The following SH3RF1 variants were observed in gnomAD, a reference collection of about 807,000 sequenced individuals.
SH3RF1 encodes the protein E3 ubiquitin-protein ligase SH3RF1.
SH3RF1 carries 32 observed loss-of-function variants against 74.0 expected under a neutral mutation model. The ratio of observed to expected loss-of-function variants is 0.43; its 90% CI spans 0.33 to 0.58. SH3RF1 has a LOEUF of 0.58. Among genes scored for constraint, SH3RF1 ranks in the 20% least tolerant of loss-of-function variants. The probability of loss-of-function intolerance (pLI) is 0.05; values close to 1 mark genes in which losing one functional copy is unlikely to be tolerated. For synonymous variants in SH3RF1, 396 were observed against 439.6 expected, an observed-to-expected ratio of 0.90 and a Z score of 1.24; for missense variants, 954 against 1,130.9, an observed-to-expected ratio of 0.84 and a Z score of 2.24.
chr4:169,268,078 T>C (rs1731383328), intron 2 of SH3RF1, among the ~76,000 whole-genome samples: 1 of 151,948 alleles, frequency 6.6e-6, no homozygotes, highest in South Asian at 2.1e-4. Flanking sequence ...TTTATATATA[T>C]TTCTAATAAA....
Position 169,268,831 on chromosome 4 carries a change from G to T in SH3RF1, c.382C>A (p.Pro128Thr). 6.3e-7 allele frequency: 1 copy of T among 1,594,750 alleles called. No homozygotes were observed. Among genetic ancestry groups the T allele is most frequent in the Non-Finnish European group, 8.5e-7 (1 of 1,171,968 alleles). ...GQQPRVQSWS[P>T]PVRGIPQLPC... ...TGTAGGCTACTTACCCTCACTGGGG[G>T]GCTCCAGGATTGCACCCGAGGCTGC... The change falls in exon 2 of 12, where the codon CCC (proline) becomes ACC (threonine). Residue 128 changes from proline to threonine, a missense_variant. Pro to Thr is a conservative substitution (Grantham distance 38). This residue lies in a region of SH3RF1 where 854 missense variants were observed against 962.5 expected (regional missense o/e 0.89). Coordinates refer to ENST00000284637, the MANE Select transcript of SH3RF1 (RefSeq NM_020870.4).
chr4:169,179,319 C>G (rs1435366966), intron 2 of SH3RF1, among the ~76,000 whole-genome samples: 1 of 152,124 alleles, frequency 6.6e-6, no homozygotes, highest in Admixed American at 6.5e-5. Flanking sequence ...CTTAGAGCCA[C>G]CAAAAAGTAA....
chr4:169,117,898 A>G, intron 8 of SH3RF1, 116 bp from the exon 9 acceptor site: 1 of 1,239,720 alleles, frequency 8.1e-7, no homozygotes, highest in Non-Finnish European at 1.1e-6. Context: ...TTAAAAAATG[A>G]ATGGAATTAT....
chr4:169,132,674 A>C (rs1172476710), intron 5 of SH3RF1, among the ~76,000 whole-genome samples: 3 of 108,056 alleles, frequency 2.8e-5, no homozygotes, highest in Non-Finnish European at 5.4e-5. Flanking sequence ...AGGCTAAGTA[A>C]GGTGGGGAAG....
intron 2 of SH3RF1, among the ~76,000 whole-genome samples, chr4:169,160,653 T>G (rs1734135994): frequency 6.6e-6 from 1 of 152,196 alleles, no homozygotes; most frequent in Non-Finnish European, 1.5e-5. Flanking sequence ...AATTAAATTC[T>G]ATGAGGCTAG....
intron 10 of SH3RF1, among the ~76,000 whole-genome samples, chr4:169,112,859 G>A (rs1377724317): frequency 6.6e-6 from 1 of 152,192 alleles, no homozygotes; most frequent in Non-Finnish European, 1.5e-5. Flanking sequence ...GGAGGATGGT[G>A]GTTCTTGGAT....
In SH3RF1 at chr4:169,106,814, T is replaced by C. The variant is rs1263694228; in HGVS notation, c.2498+33A>G. On this transcript the variant is annotated intron_variant, in intron 11 of 11. Coordinates refer to ENST00000284637, the MANE Select transcript of SH3RF1 (RefSeq NM_020870.4). The stretch of plus-strand genomic sequence containing the variant: ...CCAGCCTAAAGCCTATTGTTCATTT[T>C]TTAGTTTTTTCCTGGAACGAAGTTG... 3 of 1,483,270 alleles carry C rather than the reference T, an allele frequency of 2.0e-6. No homozygotes were observed. In the African/African-American group the frequency reaches 4.2e-5, roughly 21 times the overall value. The allele number at this position is 1,483,270 out of a possible 1,614,324, so 91.9% of individuals were successfully genotyped here.
intron 2 of SH3RF1, among the ~76,000 whole-genome samples, chr4:169,203,130 G>A (rs1373889557): frequency 6.6e-6 from 1 of 152,162 alleles, no homozygotes; most frequent in African/African-American, 2.4e-5. Context: ...ACGTCTCACA[G>A]AAAACACTTA....
intron 2 of SH3RF1, among the ~76,000 whole-genome samples, chr4:169,179,123 T>C (rs1006546245): frequency 4.6e-5 from 7 of 152,266 alleles, no homozygotes; most frequent in African/African-American, 1.7e-4. Context: ...CAGGTGGGCT[T>C]ACTGTAATCA....
At chr4:169,265,038 C>T (rs550067656) in intron 2 of SH3RF1, among the ~76,000 whole-genome samples, 91 of 152,314 alleles carry the variant, frequency 6.0e-4, no homozygotes, top group African/African-American at 1.7e-3. Flanking sequence ...TTCACCCTCA[C>T]GCTAAATGCA....
chr4:169,255,614 T>TACACACACACACAC (rs1192993515), intron 2 of SH3RF1, among the ~76,000 whole-genome samples: 1 of 59,078 alleles, frequency 1.7e-5, no homozygotes, highest in Admixed American at 1.9e-4. Flanking sequence ...CACACATACA[T>TACACACACACACAC]ACACACATAC....
rs1229414942 is a variant in SH3RF1, at chr4:169,238,483, C to G, written c.393+30337G>C. ...CTCTGTTCCAAACACCCAGTACATTCTTATACATCTTGTCCTGATAGATGC... is the reference window on the plus strand; with the variant it reads ...CTCTGTTCCAAACACCCAGTACATTGTTATACATCTTGTCCTGATAGATGC... On this transcript the variant is annotated intron_variant, in intron 2 of 11. Transcript: ENST00000284637. Among the ~76,000 whole-genome samples the G allele has an allele frequency of 2.0e-5, 3 of 152,204 alleles. No homozygotes were observed. In the East Asian group the frequency reaches 5.8e-4, roughly 29 times the overall value.
At chr4:169,176,296 C>T (rs1734420166) in intron 2 of SH3RF1, among the ~76,000 whole-genome samples, 1 of 152,180 alleles carries the variant, frequency 6.6e-6, no homozygotes, top group Non-Finnish European at 1.5e-5. Flanking sequence ...AGCTCTGGGA[C>T]TGTCCATCCT....
intron 2 of SH3RF1, among the ~76,000 whole-genome samples, chr4:169,159,977 G>A (rs1734125524): frequency 6.6e-6 from 1 of 152,198 alleles, no homozygotes; most frequent in Non-Finnish European, 1.5e-5. Flanking sequence ...TTTAATAGGG[G>A]ATGGCATTTT....
chr4:169,244,645 TAGAA>T (rs1730964613), intron 2 of SH3RF1, among the ~76,000 whole-genome samples: 3 of 152,148 alleles, frequency 2.0e-5, no homozygotes, highest in Non-Finnish European at 4.4e-5. Context: ...AAAATGTAGG[TAGAA>T]AGAGTTAACC....
At chr4:169,160,556 CCA>C (rs1734134980) in intron 2 of SH3RF1, among the ~76,000 whole-genome samples, 1 of 152,138 alleles carries the variant, frequency 6.6e-6, no homozygotes. Flanking sequence ...TGATCAATAA[CCA>C]CAAAGAATCA....
intron 2 of SH3RF1, among the ~76,000 whole-genome samples, chr4:169,157,969 C>T (rs1474077982): frequency 6.6e-6 from 1 of 152,110 alleles, no homozygotes. Flanking sequence ...AAACTCCTGA[C>T]CTCAAATGAT....
chr4:169,144,777 A>C (rs1733845295), intron 4 of SH3RF1, among the ~76,000 whole-genome samples: 1 of 151,996 alleles, frequency 6.6e-6, no homozygotes, highest in Admixed American at 6.6e-5. Flanking sequence ...TTTTTTAAGG[A>C]AAGCTTATGT....
intron 2 of SH3RF1, among the ~76,000 whole-genome samples, chr4:169,174,392 G>T (rs539733902): frequency 6.6e-6 from 1 of 152,066 alleles, no homozygotes; most frequent in South Asian, 2.1e-4. Context: ...CTTTAATGAG[G>T]GCACGAATCA....
Sources: gnomAD v4.1 joint callset for allele counts (sites outside exome capture counted in the v4.1 genomes callset) on GRCh38, gnomAD v4.1.1 for gene constraint, gnomAD v4.1.1 regional missense constraint, MANE v1.5 for transcripts, NCBI Gene and HGNC (gene_info 2026-07-23, HGNC 2026-07-21) for gene names.